The following RNLS variants were observed in gnomAD, a reference collection of about 807,000 sequenced individuals.
RNLS encodes renalase.
Under a neutral mutation model 39.8 loss-of-function variants are expected in RNLS, and 39 were observed. The ratio of observed to expected loss-of-function variants is 0.98; its 90% CI spans 0.76 to 1.28. RNLS has a LOEUF of 1.28. Among genes scored for constraint, RNLS ranks in the 50% most tolerant of loss-of-function variants. The pLI, the probability that RNLS is intolerant of heterozygous loss-of-function variation, is 0.00. For missense variants in RNLS, 410 were observed against 413.3 expected, an observed-to-expected ratio of 0.99 and a Z score of 0.07; for synonymous variants, 147 against 150.7, an observed-to-expected ratio of 0.98 and a Z score of 0.18.
At chr10:88,211,703 A>C in the RNLS span, among the ~76,000 whole-genome samples, 1 of 152,160 alleles carries the variant, frequency 6.6e-6, no homozygotes, top group African/African-American at 2.4e-5. Flanking sequence ...GATGGAGCTG[A>C]GAAGGTGGGG....
chr10:88,457,421 T>C (rs1036358673), intron 4 of RNLS, among the ~76,000 whole-genome samples: 2 of 152,082 alleles, frequency 1.3e-5, no homozygotes, highest in African/African-American at 2.4e-5. Context: ...GTGGCAACAA[T>C]GAAGATAAAG....
At chr10:88,273,660 G>A (rs907307351), downstream of RNLS, among the ~76,000 whole-genome samples, 4 of 151,888 alleles carry the variant, frequency 2.6e-5, no homozygotes, top group Non-Finnish European at 4.4e-5. Flanking sequence ...ATAAACCATC[G>A]TCTGCATCCT....
chr10:88,522,985 G>C (rs1343511152), intron 4 of RNLS, among the ~76,000 whole-genome samples: 1 of 152,098 alleles, frequency 6.6e-6, no homozygotes, highest in East Asian at 1.9e-4. Context: ...AGGAACTCAA[G>C]AGACAGTGGC....
chr10:88,496,761 A>T (rs182330952), intron 4 of RNLS, among the ~76,000 whole-genome samples: 2 of 152,234 alleles, frequency 1.3e-5, no homozygotes, highest in African/African-American at 4.8e-5. Context: ...AAATGATATT[A>T]ATAGATAGAG....
chr10:88,414,396 C>T (rs792212), intron 4 of RNLS, among the ~76,000 whole-genome samples: 88,828 of 152,016 alleles, frequency 0.58, 26,000 homozygotes, highest in African/African-American at 0.63. Context: ...TTTACAACTG[C>T]TCACATGATG....
chr10:88,338,241 A>G (rs1379350402), intron 5 of RNLS, among the ~76,000 whole-genome samples: 8 of 152,252 alleles, frequency 5.3e-5, no homozygotes, highest in Non-Finnish European at 8.8e-5. Context: ...AAAATGATGG[A>G]AACGCTTCCC....
the RNLS span, among the ~76,000 whole-genome samples, chr10:88,176,811 G>T: frequency 6.6e-6 from 1 of 152,088 alleles, no homozygotes; most frequent in African/African-American, 2.4e-5. Context: ...CTCAGAGTTT[G>T]CTTGTCTGAG....
chr10:88,290,728 C>T (rs1437174877), intron 6 of RNLS, among the ~76,000 whole-genome samples: 1 of 152,206 alleles, frequency 6.6e-6, no homozygotes, highest in Non-Finnish European at 1.5e-5. Context: ...CACTCTTTAA[C>T]TCAGACATGC....
intron 4 of RNLS, among the ~76,000 whole-genome samples, chr10:88,442,243 T>C (rs1240618558): frequency 6.6e-6 from 1 of 152,226 alleles, no homozygotes; most frequent in Non-Finnish European, 1.5e-5. Flanking sequence ...GCAAATAGTT[T>C]ACAGCTGTGG....
intron 4 of RNLS, among the ~76,000 whole-genome samples, chr10:88,370,095 A>G (rs1213489303): frequency 6.6e-6 from 1 of 152,158 alleles, no homozygotes; most frequent in East Asian, 1.9e-4. Context: ...CTAGGAAAGC[A>G]CTCTGAAGCC....
At chr10:88,229,107 ACATAAATT>A in the RNLS span, among the ~76,000 whole-genome samples, 27 of 152,376 alleles carry the variant, frequency 1.8e-4, no homozygotes, top group Admixed American at 1.4e-3. Flanking sequence ...TTTTAAATGG[ACATAAATT>A]CATAAATTCA....
At chr10:88,437,799 G>A (rs1010898602) in intron 4 of RNLS, among the ~76,000 whole-genome samples, 4 of 152,066 alleles carry the variant, frequency 2.6e-5, no homozygotes, top group African/African-American at 7.2e-5. Context: ...AATCTGCTGG[G>A]TGCTTCTGGG....
chr10:88,246,550 G>GT, the RNLS span, among the ~76,000 whole-genome samples: 51,759 of 148,554 alleles, frequency 0.35, 9,422 homozygotes, highest in Non-Finnish European at 0.42. Context: ...GAGTTTTGTT[G>GT]TTTTTTTTTT....
At chr10:88,371,987 T>C (rs1166036152) in intron 4 of RNLS, among the ~76,000 whole-genome samples, 1 of 152,120 alleles carries the variant, frequency 6.6e-6, no homozygotes, top group Non-Finnish European at 1.5e-5. Context: ...TTAAGTGGCA[T>C]TTAAAAGGAA....
intron 4 of RNLS, among the ~76,000 whole-genome samples, chr10:88,572,245 A>G (rs1849879205): frequency 7.4e-6 from 1 of 135,978 alleles, no homozygotes; most frequent in Admixed American, 7.5e-5. Flanking sequence ...CTCTGCACAT[A>G]CTTTCCCCAC....
At chr10:88,566,299 G>T (rs983555456) in intron 4 of RNLS, among the ~76,000 whole-genome samples, 3 of 150,676 alleles carry the variant, frequency 2.0e-5, no homozygotes, top group African/African-American at 2.4e-5. Context: ...ATTTTTCATG[G>T]GTATATATTT....
intron 3 of RNLS, among the ~76,000 whole-genome samples, chr10:88,578,549 G>A (rs1327674555): frequency 6.6e-6 from 1 of 151,874 alleles, no homozygotes; most frequent in African/African-American, 2.4e-5. Flanking sequence ...GGAGAATCTC[G>A]AAGTATTACA....
the RNLS span, among the ~76,000 whole-genome samples, chr10:88,186,217 C>T: frequency 2.0e-5 from 3 of 152,088 alleles, no homozygotes; most frequent in South Asian, 2.1e-4. Context: ...GGGATTCTGG[C>T]GCTGGGGTTC....
At chr10:88,499,558 G>A (rs1308064778) in intron 4 of RNLS, among the ~76,000 whole-genome samples, 1 of 151,972 alleles carries the variant, frequency 6.6e-6, no homozygotes, top group African/African-American at 2.4e-5. Flanking sequence ...TGCAGGGGTG[G>A]GGTGAGGCAC....
Sources: gnomAD v4.1 joint callset for allele counts (sites outside exome capture counted in the v4.1 genomes callset) on GRCh38, gnomAD v4.1.1 for gene constraint, MANE v1.5 for transcripts, NCBI Gene and HGNC (gene_info 2026-07-23, HGNC 2026-07-21) for gene names.